The following NFE2L3 variants were observed in gnomAD, a reference collection of about 807,000 sequenced individuals.
The protein encoded by NFE2L3 is nuclear factor erythroid 2-related factor 3.
In NFE2L3, 18 loss-of-function variants were observed where a neutral mutation model predicts 23.5. The observed-to-expected ratio is 0.77, with a 90% CI of 0.53 to 1.13. NFE2L3 has a LOEUF of 1.13. Ranked by LOEUF, NFE2L3 falls within the 50% of genes most tolerant of loss-of-function variation. NFE2L3 has a pLI of 0.00. For missense variants in NFE2L3, 1,152 were observed against 877.2 expected (o/e 1.31, Z -3.96); for synonymous variants, 424 against 354.5 (o/e 1.20, Z -2.20).
intron 1 of NFE2L3, among the ~76,000 whole-genome samples, chr7:26,167,554 C>G (rs1054989353): frequency 1.8e-4 from 28 of 152,022 alleles, no homozygotes; most frequent in Non-Finnish European, 3.5e-4. Flanking sequence ...TGTCCCAGCC[C>G]CACAAGGGTA....
chr7:26,175,192 C>CA (rs55911511), intron 1 of NFE2L3, among the ~76,000 whole-genome samples: 26,788 of 101,658 alleles, frequency 0.26, 3,889 homozygotes, highest in East Asian at 0.55. Context: ...TAAAAAATAC[C>CA]AAAAAAAAAA....
rs1372212794 is a variant in NFE2L3, at chr7:26,178,060, G to A, written c.688G>A (p.Glu230Lys). 6.2e-7 allele frequency: 1 copy of A among 1,614,088 alleles called. No individual in the cohort carries two copies. The change falls in exon 2 of 4, where the codon GAA becomes AAA. Residue 230 changes from glutamate (E) to lysine (K), a missense_variant. Glu to Lys is a moderately conservative substitution (Grantham distance 56). Transcript: ENST00000056233. The part of the protein sequence containing the change: ...ENSLQQNDDD[E>K]NKIAEKPDWE... The stretch of plus-strand genomic sequence containing the variant: ...CTCACTTCAGCAGAATGATGATGAT[G>A]AAAACAAAATAGCAGAGAAACCTGA...
In NFE2L3 at chr7:26,152,723, C is replaced by A; in HGVS notation, c.225C>A (p.His75Gln). 3 of 1,474,316 alleles carry A rather than the reference C, an allele frequency of 2.0e-6. No homozygotes were observed. Among genetic ancestry groups the A allele is most frequent in the Non-Finnish European group, 2.7e-6 (3 of 1,119,962 alleles). The allele number at this position is 1,474,316 out of a possible 1,614,324, so 91.3% of individuals were successfully genotyped here. A position where few individuals can be genotyped will look rare whatever the true frequency, so the allele number is the denominator to read the frequency against. The change falls in exon 1 of 4, where the codon CAC (histidine) becomes CAA (glutamine). Residue 75 changes from histidine (H) to glutamine (Q), a missense_variant. Transcript: ENST00000056233. This position sits in a 1 kb window ranked among gnomAD's most constrained non-coding sequence, Gnocchi z 4.4. ...GGTGGGGGCGCGCGGGCCACTTGCACCCCAAGGGCCGGGAGCTGGACCCTG... is the reference window on the plus strand; with the variant it reads ...GGTGGGGGCGCGCGGGCCACTTGCAACCCAAGGGCCGGGAGCTGGACCCTG... ...SGGWGRAGHL[H>Q]PKGRELDPAA...
intron 1 of NFE2L3, among the ~76,000 whole-genome samples, chr7:26,154,928 A>C (rs557326881): frequency 6.6e-6 from 1 of 152,232 alleles, no homozygotes; most frequent in African/African-American, 2.4e-5. Flanking sequence ...TTCCTAGGGG[A>C]GAGAGTGAAG....
chr7:26,155,809 C>T (rs1165628848), intron 1 of NFE2L3, among the ~76,000 whole-genome samples: 2 of 152,142 alleles, frequency 1.3e-5, no homozygotes, highest in Admixed American at 6.5e-5. Flanking sequence ...TGCTAGTATG[C>T]CCTCCCATAA....
rs778937125 is a variant in NFE2L3, at chr7:26,185,505, A to G, written c.1807A>G (p.Ile603Val). The part of the protein sequence containing the change: ...QNCRKRKLDI[I>V]LNLEDDVCNL... ...CTGTCGTAAACGCAAATTGGACATA[A>G]TTTTGAATTTAGAAGATGATGTATG... is the stretch of plus-strand genomic sequence containing the variant. Residue 603 changes from isoleucine (I) to valine (V), a missense_variant, in exon 4 of 4, where the codon ATT (isoleucine) becomes GTT (valine). Ile to Val is a conservative substitution (Grantham distance 29). Transcript: ENST00000056233. 2 of 1,613,992 alleles carry G rather than the reference A, an allele frequency of 1.2e-6. No individual in the cohort carries two copies. Among genetic ancestry groups the G allele is most frequent in the East Asian group, 2.2e-5 (1 of 44,886 alleles).
intron 1 of NFE2L3, among the ~76,000 whole-genome samples, chr7:26,171,774 T>C (rs557714286): frequency 6.6e-6 from 1 of 152,264 alleles, no homozygotes; most frequent in South Asian, 2.1e-4. Context: ...CCCACACCTA[T>C]AATCCCAGTG....
chr7:26,169,424 C>T (rs891031021), intron 1 of NFE2L3, among the ~76,000 whole-genome samples: 10 of 152,212 alleles, frequency 6.6e-5, no homozygotes, highest in African/African-American at 2.2e-4. Flanking sequence ...CCAAGATGGC[C>T]TTGTCTCTTT....
At chr7:26,160,263 A>C (rs369548917) in intron 1 of NFE2L3, among the ~76,000 whole-genome samples, 6 of 152,108 alleles carry the variant, frequency 3.9e-5, no homozygotes, top group African/African-American at 1.4e-4. Flanking sequence ...GGCTGGATCT[A>C]TGTTAATATT....
At chr7:26,180,402 C>T (rs182432967) in intron 2 of NFE2L3, among the ~76,000 whole-genome samples, 2 of 152,296 alleles carry the variant, frequency 1.3e-5, no homozygotes, top group Non-Finnish European at 2.9e-5. Context: ...GCTCCTCTGA[C>T]TTATCTATTT....
intron 1 of NFE2L3, among the ~76,000 whole-genome samples, chr7:26,165,001 G>T (rs1164336526): frequency 6.6e-6 from 1 of 152,252 alleles, no homozygotes; most frequent in African/African-American, 2.4e-5. Flanking sequence ...CTGTTCCATT[G>T]GTCTATATCT....
At chr7:26,163,317 G>A (rs1206246042) in intron 1 of NFE2L3, among the ~76,000 whole-genome samples, 1 of 152,098 alleles carries the variant, frequency 6.6e-6, no homozygotes, top group Non-Finnish European at 1.5e-5. Flanking sequence ...CCACAATGCC[G>A]TTAGCACACC....
In NFE2L3 at chr7:26,185,367, A is replaced by C; in HGVS notation, c.1669A>C (p.Met557Leu). 1 of 1,614,172 alleles carries C rather than the reference A, an allele frequency of 6.2e-7. No homozygotes were observed. Among genetic ancestry groups the C allele is most frequent in the Non-Finnish European group, 8.5e-7 (1 of 1,180,006 alleles). ...IPFSVDEIVG[M>L]PVDSFNSMLS... ...TTTTTCTGTAGATGAAATTGTCGGC[A>C]TGCCTGTTGATTCTTTCAATAGCAT... The change falls in exon 4 of 4, where the codon ATG becomes CTG. Residue 557 changes from methionine (M) to leucine (L), a missense_variant. By Grantham distance (15) the Met-to-Leu change is conservative. Transcript: ENST00000056233.
At position 26,185,865 on chromosome 7, in the gene NFE2L3, C is replaced by CTTCAAGAATTGTATCT; in HGVS notation, c.*85_*100dup. The CTTCAAGAATTGTATCT allele has an allele frequency of 3.5e-6, 4 of 1,158,922 alleles. No homozygotes were observed. The South Asian group carries it at 6.7e-5, about 19-fold the overall frequency. The allele number at this position is 1,158,922 out of a possible 1,614,324, so 71.8% of individuals were successfully genotyped here. A position where few individuals can be genotyped will look rare whatever the true frequency, so the allele number is the denominator to read the frequency against. The stretch of plus-strand genomic sequence containing the variant: ...TTTGGATCAGAAACCATTGAAACTG[C>CTTCAAGAATTGTATCT]TTCAAGAATTGTATCTTTAAGTACT... On this transcript the variant is annotated 3_prime_UTR_variant, in exon 4 of 4. Coordinates refer to ENST00000056233, the MANE Select transcript of NFE2L3 (RefSeq NM_004289.7).
intron 1 of NFE2L3, among the ~76,000 whole-genome samples, chr7:26,157,360 A>G (rs1784098353): frequency 6.6e-6 from 1 of 150,794 alleles, no homozygotes; most frequent in Admixed American, 6.6e-5. Context: ...TTTTTTTTTA[A>G]TAGAAATAAG....
At chr7:26,158,411 C>T (rs1784117634) in intron 1 of NFE2L3, among the ~76,000 whole-genome samples, 1 of 152,158 alleles carries the variant, frequency 6.6e-6, no homozygotes, top group Admixed American at 6.5e-5. Flanking sequence ...ACAGTTCAAT[C>T]TATAACAATC....
intron 1 of NFE2L3, among the ~76,000 whole-genome samples, chr7:26,164,284 G>T (rs995307647): frequency 6.6e-6 from 1 of 152,214 alleles, no homozygotes; most frequent in East Asian, 1.9e-4. Flanking sequence ...CAGTGTAAAA[G>T]TGTTCCTATT....
At chr7:26,177,115 C>T (rs532626450) in intron 1 of NFE2L3, among the ~76,000 whole-genome samples, 4 of 123,578 alleles carry the variant, frequency 3.2e-5, no homozygotes, top group South Asian at 3.5e-4. Context: ...ACATCCCAGA[C>T]GGGGTGGCCG....
chr7:26,183,857 C>T (rs1451110608), intron 3 of NFE2L3, 73 bp downstream of exon 3: 1 of 971,040 alleles, frequency 1.0e-6, no homozygotes, highest in Non-Finnish European at 1.7e-6. Flanking sequence ...AATACAACTC[C>T]TTTACTTGGA....
Sources: gnomAD v4.1 joint callset for allele counts (sites outside exome capture counted in the v4.1 genomes callset) on GRCh38, gnomAD v4.1.1 for gene constraint, Gnocchi (gnomAD v3.1) non-coding constraint, MANE v1.5 for transcripts, NCBI Gene and HGNC (gene_info 2026-07-23, HGNC 2026-07-21) for gene names.